FAF1: variants seen among roughly 807,000 people sequenced by gnomAD.
FAF1 encodes Fas associated factor 1.
FAF1 carries 25 observed loss-of-function variants against 92.5 expected under a neutral mutation model. That is an observed-to-expected ratio of 0.27 (90% CI 0.20 to 0.38). The LOEUF (loss-of-function observed/expected upper bound fraction) is 0.38. Ranked by LOEUF, FAF1 falls within the 10% of genes least tolerant of loss-of-function variation. The pLI is 1.00. For synonymous variants in FAF1, 234 were observed against 273.2 expected, an observed-to-expected ratio of 0.86 and a Z score of 1.42; for missense variants, 636 against 793.3, an observed-to-expected ratio of 0.80 and a Z score of 2.38.
intron 8 of FAF1, among the ~76,000 whole-genome samples, chr1:50,627,833 C>A (rs1557443311): frequency 7.2e-6 from 1 of 138,478 alleles, no homozygotes; most frequent in African/African-American, 2.8e-5. Context: ...TTCAACAAAA[C>A]ATTTTTTTTT....
intron 2 of FAF1, among the ~76,000 whole-genome samples, chr1:50,815,689 C>A (rs1278519960): frequency 6.6e-6 from 1 of 152,138 alleles, no homozygotes; most frequent in African/African-American, 2.4e-5. Context: ...TTTCCTTTTC[C>A]CTATAGCTTC....
At chr1:50,539,447 T>C (rs1347274199) in intron 14 of FAF1, 145 bp downstream of exon 14, 6 of 547,830 alleles carry the variant, frequency 1.1e-5, no homozygotes, top group African/African-American at 1.9e-5. Context: ...ATAGCACCTA[T>C]ATTTTTTGAA....
At chr1:50,593,954 G>C (rs1168005325) in intron 9 of FAF1, among the ~76,000 whole-genome samples, 1 of 152,042 alleles carries the variant, frequency 6.6e-6, no homozygotes, top group Non-Finnish European at 1.5e-5. Context: ...GAATGTAAAT[G>C]GAAAAAAATT....
At chr1:50,624,954 T>A (rs1653426660) in intron 8 of FAF1, among the ~76,000 whole-genome samples, 1 of 145,946 alleles carries the variant, frequency 6.9e-6, no homozygotes, top group African/African-American at 2.6e-5. Context: ...CAGGCTGGAG[T>A]GCAATGGCAT....
intron 1 of FAF1, among the ~76,000 whole-genome samples, chr1:50,956,501 G>A (rs1057411291): frequency 6.6e-6 from 1 of 152,242 alleles, no homozygotes; most frequent in Non-Finnish European, 1.5e-5. Flanking sequence ...ATAATACTGA[G>A]CTCTCAAACT....
chr1:50,721,601 T>G (rs1239582111), intron 6 of FAF1, among the ~76,000 whole-genome samples: 1 of 152,152 alleles, frequency 6.6e-6, no homozygotes, highest in Non-Finnish European at 1.5e-5. Flanking sequence ...CTTTAAGGTC[T>G]CATTTTCTTT....
At chr1:50,695,991 T>C (rs889728739) in intron 7 of FAF1, among the ~76,000 whole-genome samples, 15 of 150,120 alleles carry the variant, frequency 1.0e-4, no homozygotes, top group Non-Finnish European at 2.2e-4. Flanking sequence ...ATTAAATGGC[T>C]AGGCAAGGGA....
At chr1:50,582,045 G>T (rs74080008) in intron 12 of FAF1, among the ~76,000 whole-genome samples, 35,106 of 151,452 alleles carry the variant, frequency 0.23, 4,506 homozygotes, top group Middle Eastern at 0.43. Context: ...CCTTTTTTTG[G>T]GGGGGTGGGC....
At chr1:50,743,722 A>C (rs1193711635) in intron 5 of FAF1, among the ~76,000 whole-genome samples, 1 of 152,144 alleles carries the variant, frequency 6.6e-6, no homozygotes, top group Non-Finnish European at 1.5e-5. Context: ...CAAACATCTA[A>C]AACTCTAGAA....
At position 50,439,413 on chromosome 1, in the gene FAF1, T is replaced by C. The variant is rs540832275; in HGVS notation, c.*2027A>G. ...GGCCAAAAGAACTTTCTAAGGCAGG[T>C]TGAAAAAGGTTGTATCAACTTCACA... On this transcript the variant is annotated 3_prime_UTR_variant, in exon 19 of 19. Coordinates refer to ENST00000396153, the MANE Select transcript of FAF1 (RefSeq NM_007051.3). The C allele has an allele frequency of 7.9e-5, 12 of 152,220 alleles. No individual in the cohort carries two copies. The highest frequency in any genetic ancestry group is 1.6e-4 in the Non-Finnish European group (11 of 68,006). 9.4% of individuals were successfully genotyped at this position (152,220 alleles called of 1,614,324 possible). A position where few individuals can be genotyped will look rare whatever the true frequency, so the allele number is the denominator to read the frequency against.
chr1:50,925,303 A>T (rs1644996361), intron 1 of FAF1, among the ~76,000 whole-genome samples: 1 of 152,186 alleles, frequency 6.6e-6, no homozygotes, highest in South Asian at 2.1e-4. Context: ...AGACAACAAG[A>T]ATAGACAAAT....
At chr1:50,619,138 G>A (rs1048132714) in intron 8 of FAF1, among the ~76,000 whole-genome samples, 1 of 152,212 alleles carries the variant, frequency 6.6e-6, no homozygotes, top group African/African-American at 2.4e-5. Flanking sequence ...CATTATGTGT[G>A]AGATGTGTCT....
chr1:50,816,153 A>T (rs1415193154), intron 2 of FAF1, among the ~76,000 whole-genome samples: 2 of 138,564 alleles, frequency 1.4e-5, no homozygotes, highest in Non-Finnish European at 3.1e-5. Context: ...TATACGTCTT[A>T]TTTTGAGAAG....
At chr1:50,897,460 G>A (rs1310885500) in intron 1 of FAF1, among the ~76,000 whole-genome samples, 1 of 152,210 alleles carries the variant, frequency 6.6e-6, no homozygotes, top group African/African-American at 2.4e-5. Flanking sequence ...TAAGTGGCCA[G>A]CTGATCTTTT....
intron 1 of FAF1, among the ~76,000 whole-genome samples, chr1:50,863,977 TA>T (rs1453984132): frequency 6.6e-6 from 1 of 152,078 alleles, no homozygotes. Context: ...CTAGATTTTC[TA>T]GTTTATTTGC....
chr1:50,639,933 C>CAAAAAAAAA (rs1197342810), intron 8 of FAF1, among the ~76,000 whole-genome samples: 22 of 70,146 alleles, frequency 3.1e-4, no homozygotes, highest in African/African-American at 8.4e-4. Flanking sequence ...GACTCGATCT[C>CAAAAAAAAA]AAAAAAAAAA....
intron 7 of FAF1, among the ~76,000 whole-genome samples, chr1:50,704,745 G>A (rs981431987): frequency 6.6e-6 from 1 of 152,032 alleles, no homozygotes; most frequent in Admixed American, 6.6e-5. Flanking sequence ...ATTTTAAAGA[G>A]TTTAGTTTCT....
chr1:50,570,898 T>C (rs1473914822), intron 12 of FAF1, among the ~76,000 whole-genome samples: 1 of 152,116 alleles, frequency 6.6e-6, no homozygotes, highest in East Asian at 1.9e-4. Context: ...ATCAACCAAT[T>C]TGGAAGAGTT....
At chr1:50,686,130 C>T (rs1656645450) in intron 7 of FAF1, among the ~76,000 whole-genome samples, 1 of 152,156 alleles carries the variant, frequency 6.6e-6, no homozygotes, top group African/African-American at 2.4e-5. Flanking sequence ...ATAATAGTAC[C>T]ACTGTCTATA....
Sources: allele counts gnomAD v4.1 joint callset (sites outside exome capture counted in the v4.1 genomes callset), GRCh38; gene constraint gnomAD v4.1.1; transcripts MANE v1.5; gene names NCBI Gene and HGNC (gene_info 2026-07-23, HGNC 2026-07-21).